The following RAB36 variants were observed in gnomAD, a reference collection of about 807,000 sequenced individuals.
The protein encoded by RAB36 is RAB36, member RAS oncogene family, also known as ras-related protein Rab-36.
RAB36 carries 33 observed loss-of-function variants against 39.3 expected under a neutral mutation model. The observed-to-expected ratio is 0.84, with a 90% CI of 0.64 to 1.12. The LOEUF (loss-of-function observed/expected upper bound fraction) is 1.12, where lower values mean the gene tolerates loss of function less well. Ranked by LOEUF, RAB36 falls within the 50% of genes most tolerant of loss-of-function variation. RAB36 has a pLI of 0.00. For synonymous variants in RAB36, 133 were observed against 140.2 expected, an observed-to-expected ratio of 0.95 and a Z score of 0.36; for missense variants, 308 against 355.3, an observed-to-expected ratio of 0.87 and a Z score of 1.07.
Position 23,160,979 on chromosome 22 carries a change from C to G in RAB36, c.720C>G (p.Val240=). 1 of 1,612,152 alleles carries G rather than the reference C, an allele frequency of 6.2e-7. No individual in the cohort carries two copies. Among genetic ancestry groups the G allele is most frequent in the Non-Finnish European group, 8.5e-7 (1 of 1,178,732 alleles). ...LERQSSARLQ[V]GNGDLIQMEG... ...GGCAGAGCAGTGCCCGGCTCCAGGT[C>G]GGCAATGGAGACCTAATCCGTGAGT... The change falls in exon 10 of 11, where the codon GTC becomes GTG. Residue 240 remains valine (V), a synonymous_variant. Transcript: ENST00000263116.
rs564966717 is a variant in RAB36 at position 23,153,054 on chromosome 22, T to C, written c.249T>C (p.Asp83=). ...ACAGGTTTTGCAAGAATGTTTTTGA[T>C]CGAGACTACAAGGCCACCATTGGGG... ...LIHRFCKNVF[D]RDYKATIGVD... is the part of the protein sequence containing the mutation. Residue 83 remains aspartate (D), a synonymous_variant, in exon 5 of 11, where the codon GAT becomes GAC. Coordinates refer to ENST00000263116, the MANE Select transcript of RAB36 (RefSeq NM_004914.5). The C allele has an allele frequency of 3.3e-5, 53 of 1,614,058 alleles. 2 individuals carry two copies. In the South Asian group the frequency reaches 5.7e-4, roughly 17 times the overall value.
At position 23,160,917 on chromosome 22, in the gene RAB36, C is replaced by T; in HGVS notation, c.658C>T (p.Leu220=). 1 of 1,613,946 alleles carries T rather than the reference C, an allele frequency of 6.2e-7. No homozygotes were observed. Among genetic ancestry groups the T allele is most frequent in the Admixed American group, 1.7e-5 (1 of 60,024 alleles). The change falls in exon 10 of 11, where the codon CTG becomes TTG. Residue 220 remains leucine (L), a synonymous_variant. Coordinates refer to ENST00000263116, the MANE Select transcript of RAB36 (RefSeq NM_004914.5). The part of the protein sequence containing the change: ...VKAFFSRVAA[L]AFEQSVLQDL... ...GGCATTCTTCAGCCGCGTAGCCGCC[C>T]TGGCATTCGAGCAGTCGGTGCTGCA...
upstream of RAB36, chr22:23,145,352 A>T (rs746315546): frequency 6.3e-7 from 1 of 1,586,760 alleles, no homozygotes; most frequent in East Asian, 2.3e-5. Flanking sequence ...GACTCCAGGC[A>T]GGTTCTCGTT....
chr22:23,150,967 T>A (rs1464764849), intron 3 of RAB36, among the ~76,000 whole-genome samples: 1 of 152,200 alleles, frequency 6.6e-6, no homozygotes, highest in Admixed American at 6.5e-5. Context: ...CCGCGGCAGC[T>A]CCTGCCACCA....
downstream of RAB36, among the ~76,000 whole-genome samples, chr22:23,167,738 G>A (rs137989381): frequency 1.9e-3 from 295 of 152,012 alleles, 1 homozygote; most frequent in Non-Finnish European, 3.0e-3. Context: ...AACACAGCCA[G>A]GGTCTCGCTG....
At chr22:23,152,378 A>G in intron 3 of RAB36, 83 bp from the exon 4 acceptor site, 1 of 1,408,752 alleles carries the variant, frequency 7.1e-7, no homozygotes, top group East Asian at 2.3e-5. Flanking sequence ...ACCAGCAGAG[A>G]GCTCAGGGAA....
rs1173211439 is a variant in RAB36 at position 23,164,316 on chromosome 22, A to G, written c.*2752A>G. 2 of 152,180 alleles carry G rather than the reference A, an allele frequency of 1.3e-5. No homozygotes were observed. The highest frequency in any genetic ancestry group is 2.9e-5 in the Non-Finnish European group (2 of 68,046). The allele number at this position is 152,180 out of a possible 1,614,324, so 9.4% of individuals were successfully genotyped here. On this transcript the variant is annotated 3_prime_UTR_variant, in exon 11 of 11. Transcript: ENST00000263116. ...CTCACGTACACCCCCACCTCTGTAA[A>G]TGGTCCTTGATTAAATCGTCCTCAT...
chr22:23,168,271 CTCT>C (rs1053668938), downstream of RAB36, among the ~76,000 whole-genome samples: 9 of 152,162 alleles, frequency 5.9e-5, no homozygotes, highest in Non-Finnish European at 1.2e-4. Context: ...CTCCCTCCAG[CTCT>C]TGAAGTCCTG....
Position 23,158,962 on chromosome 22 carries a change from A to T in RAB36, c.511A>T (p.Thr171Ser). ...AGSCFIFLVG[T>S]KKDLLSGAAC... ...CTCCTGCTTCATCTTCCTCGTGGGA[A>T]CCAAGAAGGACCTTCTGGTGAGCAG... is the stretch of plus-strand genomic sequence containing the variant. Residue 171 changes from threonine to serine, a missense_variant, in exon 8 of 11, where the codon ACC becomes TCC. Transcript: ENST00000263116. 6.2e-7 allele frequency: 1 copy of T among 1,614,112 alleles called. No individual in the cohort carries two copies. The highest frequency in any genetic ancestry group is 2.2e-5 in the East Asian group (1 of 44,874).
At position 23,153,076 on chromosome 22, in the gene RAB36, G is replaced by T. The variant is rs1484122448; in HGVS notation, c.271G>T (p.Gly91Trp). 2 of 1,613,966 alleles carry T rather than the reference G, an allele frequency of 1.2e-6. No individual in the cohort carries two copies. Among genetic ancestry groups the T allele is most frequent in the East Asian group, 2.2e-5 (1 of 44,900 alleles). ...TGATCGAGACTACAAGGCCACCATT[G>T]GGGTGGACTTTGAAATTGAGCGCTT... ...VFDRDYKATI[G>W]VDFEIERFEI... Residue 91 changes from glycine (G) to tryptophan (W), a missense_variant, in exon 5 of 11, where the codon GGG (glycine) becomes TGG (tryptophan). Transcript: ENST00000263116.
chr22:23,163,553 G>A lies in RAB36; in HGVS notation c.*1989G>A, dbSNP rs2071931217. ...TCCATAAATGACTTTTAAAGGGGTT[G>A]TATGTTTAGTGTGAACAAAGACAGT... On this transcript the variant is annotated 3_prime_UTR_variant, in exon 11 of 11. Coordinates refer to ENST00000263116, the MANE Select transcript of RAB36 (RefSeq NM_004914.5). The A allele has an allele frequency of 1.4e-5, 2 of 147,842 alleles. 1 individual carries two copies. The highest frequency in any genetic ancestry group is 4.3e-4 in the South Asian group (2 of 4,630). The allele number at this position is 147,842 out of a possible 1,614,324, so 9.2% of individuals were successfully genotyped here.
At chr22:23,151,269 G>T (rs1486065866) in intron 3 of RAB36, among the ~76,000 whole-genome samples, 2 of 152,248 alleles carry the variant, frequency 1.3e-5, no homozygotes, top group African/African-American at 4.8e-5. Flanking sequence ...TCACACAGAT[G>T]ATCTCCCTGA....
chr22:23,159,050 G>T, intron 8 of RAB36, 71 bp downstream of exon 8: 1 of 1,586,134 alleles, frequency 6.3e-7, no homozygotes, highest in Non-Finnish European at 8.6e-7. Context: ...CTCATTGGAG[G>T]AGCCATGGGG....
At chr22:23,150,177 G>A in intron 3 of RAB36, 23 bp downstream of exon 3, 1 of 1,578,392 alleles carries the variant, frequency 6.3e-7, no homozygotes, top group African/African-American at 1.3e-5. Context: ...GGTGTGGGAT[G>A]GGGGAGCAGG....
chr22:23,153,083 A>T lies in RAB36; in HGVS notation c.278A>T (p.Asp93Val). Residue 93 changes from aspartate to valine, a missense_variant, in exon 5 of 11, where the codon GAC becomes GTC. Physicochemically the swap from Asp to Val is radical, Grantham distance 152 (BLOSUM62 -3). Coordinates refer to ENST00000263116, the MANE Select transcript of RAB36 (RefSeq NM_004914.5). ...DRDYKATIGV[D>V]FEIERFEIAG... ...GACTACAAGGCCACCATTGGGGTGG[A>T]CTTTGAAATTGAGCGCTTTGAGATT... 1 of 1,614,084 alleles carries T rather than the reference A, an allele frequency of 6.2e-7. No individual in the cohort carries two copies. The highest frequency in any genetic ancestry group is 1.1e-5 in the South Asian group (1 of 91,082).
At chr22:23,152,648 C>A in intron 4 of RAB36, 122 bp downstream of exon 4, 1 of 928,604 alleles carries the variant, frequency 1.1e-6, no homozygotes, top group Non-Finnish European at 1.7e-6. Context: ...AACTGCTGTG[C>A]CTCAGCCTGC....
rs2071751906 is a variant in RAB36, at chr22:23,161,007, A to G, written c.739+9A>G. On this transcript the variant is annotated intron_variant, in intron 10 of 10. Coordinates refer to ENST00000263116, the MANE Select transcript of RAB36 (RefSeq NM_004914.5). ...CAATGGAGACCTAATCCGTGAGTAT[A>G]GGTGTGACTGGGTTGGGCTGGGGAG... 6.3e-7 allele frequency: 1 copy of G among 1,596,200 alleles called. No individual in the cohort carries two copies. Among genetic ancestry groups the G allele is most frequent in the African/African-American group, 1.3e-5 (1 of 74,570 alleles).
chr22:23,147,175 A>G (rs5759602), intron 2 of RAB36, among the ~76,000 whole-genome samples: 96,895 of 151,976 alleles, frequency 0.64, 31,358 homozygotes, highest in East Asian at 0.96. Flanking sequence ...TTCCGCCTCT[A>G]TGAGCTTGAA....
intron 7 of RAB36, 106 bp downstream of exon 7, chr22:23,158,149 G>C: frequency 6.5e-7 from 1 of 1,547,618 alleles, no homozygotes; most frequent in Non-Finnish European, 8.7e-7. Flanking sequence ...GTGGGTGTGA[G>C]TGACCAGGGC....
Sources: allele counts gnomAD v4.1 joint callset (sites outside exome capture counted in the v4.1 genomes callset), GRCh38; gene constraint gnomAD v4.1.1; transcripts MANE v1.5; gene names NCBI Gene and HGNC (gene_info 2026-07-23, HGNC 2026-07-21).